The following PAX7 variants were observed in gnomAD, a reference collection of about 807,000 sequenced individuals.
PAX7 encodes the protein paired box protein Pax-7.
In PAX7, 18 loss-of-function variants were observed where a neutral mutation model predicts 50.7. The observed-to-expected ratio is 0.36, with a 90% CI of 0.25 to 0.53. PAX7 has a LOEUF of 0.53. Among genes scored for constraint, PAX7 ranks in the 20% least tolerant of loss-of-function variants. The pLI is 0.93. For missense variants in PAX7, 644 were observed against 702.9 expected, an observed-to-expected ratio of 0.92 and a Z score of 0.95; for synonymous variants, 310 against 290.4, an observed-to-expected ratio of 1.07 and a Z score of -0.69.
intron 4 of PAX7, among the ~76,000 whole-genome samples, chr1:18,683,619 C>T (rs2100274503): frequency 6.6e-6 from 1 of 152,294 alleles, no homozygotes; most frequent in African/African-American, 2.4e-5. Context: ...GCGGATGGAT[C>T]ATCTGAGGTC....
At chr1:18,709,906 C>T (rs1316234415) in intron 7 of PAX7, among the ~76,000 whole-genome samples, 3 of 152,172 alleles carry the variant, frequency 2.0e-5, no homozygotes, top group Admixed American at 6.5e-5. Context: ...GAGTCGCTGT[C>T]CCCAAACGCC....
intron 4 of PAX7, among the ~76,000 whole-genome samples, chr1:18,675,879 C>T (rs1036077017): frequency 2.0e-5 from 3 of 152,100 alleles, no homozygotes; most frequent in African/African-American, 7.2e-5. Context: ...TGCAGCAGGC[C>T]CCAGGGTCGC....
intron 4 of PAX7, among the ~76,000 whole-genome samples, chr1:18,663,484 A>C (rs974749728): frequency 6.6e-6 from 1 of 152,180 alleles, no homozygotes; most frequent in African/African-American, 2.4e-5. Flanking sequence ...CCATGTTCAA[A>C]CGATTCTTGT....
intron 8 of PAX7, among the ~76,000 whole-genome samples, chr1:18,740,206 G>A (rs376447854): frequency 3.3e-5 from 5 of 152,196 alleles, no homozygotes; most frequent in Admixed American, 6.5e-5. Flanking sequence ...CCGGCCCCTC[G>A]GCTCCACCCC....
rs2089699756 is a variant in PAX7 at position 18,735,616 on chromosome 1, G to A, written c.1156-16G>A. On this transcript the variant is annotated splice_polypyrimidine_tract_variant and intron_variant, in intron 7 of 8. Transcript: ENST00000420770. The surrounding 1 kb of genome is among the most constrained non-coding windows in gnomAD (Gnocchi z 4.0). Reference sequence around the variant, plus strand: ...TCTGTCCGGTGAGCCTGGCACTAATGGCCTTTTCCCCACAGGTGATGAGCA... The same window carrying A: ...TCTGTCCGGTGAGCCTGGCACTAATAGCCTTTTCCCCACAGGTGATGAGCA... 1 of 1,603,660 alleles carries A rather than the reference G, an allele frequency of 6.2e-7. No homozygotes were observed. Among genetic ancestry groups the A allele is most frequent in the Non-Finnish European group, 8.5e-7 (1 of 1,172,778 alleles).
intron 4 of PAX7, among the ~76,000 whole-genome samples, chr1:18,677,912 T>C (rs995454300): frequency 6.6e-6 from 1 of 151,272 alleles, no homozygotes; most frequent in African/African-American, 2.4e-5. Flanking sequence ...TGCAACCCTG[T>C]CTCTACTAAG....
chr1:18,653,841 A>G (rs1420356337), intron 4 of PAX7, among the ~76,000 whole-genome samples: 1 of 152,038 alleles, frequency 6.6e-6, no homozygotes, highest in South Asian at 2.1e-4. Flanking sequence ...GCTCCCCAGG[A>G]AAGGTTTTAG....
chr1:18,721,400 G>T (rs773302430), intron 7 of PAX7, among the ~76,000 whole-genome samples: 5 of 152,150 alleles, frequency 3.3e-5, no homozygotes, highest in Non-Finnish European at 7.4e-5. Context: ...CGCAGGGACT[G>T]AGCTTCCCGA....
intron 4 of PAX7, among the ~76,000 whole-genome samples, chr1:18,645,296 G>T (rs1413603990): frequency 1.3e-5 from 2 of 152,262 alleles, no homozygotes; most frequent in Non-Finnish European, 2.9e-5. Context: ...AGGGAGGAGC[G>T]GCTGGGCTGC....
chr1:18,656,448 C>T (rs748680542), intron 4 of PAX7, among the ~76,000 whole-genome samples: 2 of 151,962 alleles, frequency 1.3e-5, no homozygotes, highest in South Asian at 2.1e-4. Context: ...TGCAGCGAGC[C>T]GAGATACCGC....
Position 18,746,756 on chromosome 1 carries a change from T to G in PAX7, c.*1827T>G. On this transcript the variant is annotated 3_prime_UTR_variant, in exon 9 of 9. Transcript: ENST00000420770. The stretch of plus-strand genomic sequence containing the variant: ...CTGGGAAGCTGGGTTGGCAAGATTC[T>G]AGGACACTCACCTGCATGGACATCA... The G allele has an allele frequency of 4.3e-6, 1 of 231,990 alleles. No homozygotes were observed. The allele number at this position is 231,990 out of a possible 1,614,324, so 14.4% of individuals were successfully genotyped here.
Position 18,634,603 on chromosome 1 carries a change from C to CCCTCTTACTACCTCGTGGCA in PAX7, c.321+68_321+87dup, listed in dbSNP as rs1553133031. The stretch of plus-strand genomic sequence containing the variant: ...ATAGTCGGGGGCTCCTGGTTGTGGC[C>CCCTCTTACTACCTCGTGGCA]CCTCTTACTACCTCGTGGCACCAGG... On this transcript the variant is annotated intron_variant, in intron 2 of 8. Coordinates refer to ENST00000420770, the MANE Select transcript of PAX7 (RefSeq NM_001135254.2). The surrounding 1 kb of genome is among the most constrained non-coding windows in gnomAD (Gnocchi z 4.0). 7.3e-6 allele frequency: 10 copies of CCCTCTTACTACCTCGTGGCA among 1,362,684 alleles called. No homozygotes were observed. In the East Asian group the frequency reaches 2.1e-4, roughly 28 times the overall value. 84.4% of individuals were successfully genotyped at this position (1,362,684 alleles called of 1,614,324 possible).
intron 7 of PAX7, among the ~76,000 whole-genome samples, chr1:18,729,920 C>T (rs992507979): frequency 1.3e-5 from 2 of 152,092 alleles, no homozygotes; most frequent in African/African-American, 4.8e-5. Context: ...GGGTGTTGGC[C>T]CCCATGGGAG....
intron 3 of PAX7, 27 bp downstream of exon 3, chr1:18,635,267 C>A: frequency 6.2e-7 from 1 of 1,611,794 alleles, no homozygotes; most frequent in Non-Finnish European, 8.5e-7. Flanking sequence ...GCCGGCAGAG[C>A]TGGCCCAGAG....
At chr1:18,710,956 T>G (rs1023346212) in intron 7 of PAX7, among the ~76,000 whole-genome samples, 3 of 152,194 alleles carry the variant, frequency 2.0e-5, no homozygotes, top group Non-Finnish European at 2.9e-5. Flanking sequence ...ACATGGGGCT[T>G]TAACCCCAGC....
chr1:18,655,732 A>C (rs1475947344), intron 4 of PAX7, among the ~76,000 whole-genome samples: 1 of 151,850 alleles, frequency 6.6e-6, no homozygotes, highest in Non-Finnish European at 1.5e-5. Flanking sequence ...TTAGGCCTGT[A>C]AAACATTGAA....
intron 4 of PAX7, among the ~76,000 whole-genome samples, chr1:18,682,755 G>A (rs749590243): frequency 1.1e-4 from 17 of 152,134 alleles, no homozygotes; most frequent in Non-Finnish European, 1.3e-4. Flanking sequence ...AGACATTCTC[G>A]GCCCCTCCTG....
At chr1:18,644,510 C>A (rs2088308449) in intron 4 of PAX7, among the ~76,000 whole-genome samples, 2 of 152,050 alleles carry the variant, frequency 1.3e-5, no homozygotes, top group African/African-American at 4.8e-5. Context: ...TACTTATATA[C>A]TTTCATACAG....
At position 18,745,031 on chromosome 1, in the gene PAX7, C is replaced by CCAGGAAAGG. The variant is rs916490114; in HGVS notation, c.*103_*111dup. The CCAGGAAAGG allele has an allele frequency of 1.6e-5, 11 of 688,714 alleles. No individual in the cohort carries two copies. The African/African-American group carries it at 2.0e-4, about 12-fold the overall frequency. 42.7% of individuals were successfully genotyped at this position (688,714 alleles called of 1,614,324 possible). On this transcript the variant is annotated 3_prime_UTR_variant, in exon 9 of 9. Coordinates refer to ENST00000420770, the MANE Select transcript of PAX7 (RefSeq NM_001135254.2). ...CTCACCCCCCTGTTGTCCTAGGAGG[C>CCAGGAAAGG]CAGGAAAGGAGCCCACCTGCTTCTC...
Sources: gnomAD v4.1 joint callset for allele counts (sites outside exome capture counted in the v4.1 genomes callset) on GRCh38, gnomAD v4.1.1 for gene constraint, Gnocchi (gnomAD v3.1) non-coding constraint, MANE v1.5 for transcripts, NCBI Gene and HGNC (gene_info 2026-07-23, HGNC 2026-07-21) for gene names.